Variants in ELAPOR2 observed in about 807,000 individuals in gnomAD.
ELAPOR2 encodes the protein endosome/lysosome-associated apoptosis and autophagy regulator family member 2.
ELAPOR2 carries 89 observed loss-of-function variants against 120.7 expected under a neutral mutation model. That is an observed-to-expected ratio of 0.74 (90% CI 0.62 to 0.88). ELAPOR2 has a LOEUF of 0.88. Among genes scored for constraint, ELAPOR2 ranks in the 40% least tolerant of loss-of-function variants. The probability of loss-of-function intolerance (pLI) is 0.00; values close to 1 mark genes in which losing one functional copy is unlikely to be tolerated. For missense variants in ELAPOR2, 1,134 were observed against 1,251.6 expected (o/e 0.91, Z 1.42); for synonymous variants, 444 against 444.9 (o/e 1.00, Z 0.03).
chr7:87,043,400 A>T (rs1212969408), intron 1 of ELAPOR2, among the ~76,000 whole-genome samples: 1 of 151,230 alleles, frequency 6.6e-6, no homozygotes, highest in African/African-American at 2.4e-5. Context: ...GCACATCAAA[A>T]AGCTTATCCA....
At chr7:86,941,330 A>T (rs1313325114) in intron 5 of ELAPOR2, 1 of 532,186 alleles carries the variant, frequency 1.9e-6, no homozygotes, top group Non-Finnish European at 3.9e-6. Context: ...CTCAAATAAT[A>T]ACAGATTCAC....
intron 1 of ELAPOR2, among the ~76,000 whole-genome samples, chr7:87,055,306 G>T (rs1252881361): frequency 6.6e-6 from 1 of 152,122 alleles, no homozygotes. Context: ...CTCACCCTCT[G>T]CATCCACTCA....
intron 1 of ELAPOR2, among the ~76,000 whole-genome samples, chr7:87,044,705 T>A (rs1225922067): frequency 2.6e-5 from 4 of 152,024 alleles, no homozygotes; most frequent in African/African-American, 9.7e-5. Flanking sequence ...GGGCAAGGAC[T>A]TCATGTCTAA....
intron 1 of ELAPOR2, among the ~76,000 whole-genome samples, chr7:87,013,139 C>T (rs1170826159): frequency 6.6e-6 from 1 of 151,984 alleles, no homozygotes; most frequent in Non-Finnish European, 1.5e-5. Context: ...AGAATATATG[C>T]AAAAATGGCC....
intron 1 of ELAPOR2, among the ~76,000 whole-genome samples, chr7:87,028,049 T>C (rs16888352): frequency 0.016 from 2,428 of 152,232 alleles, 75 homozygotes; most frequent in African/African-American, 0.055. Context: ...AATCTTGCAT[T>C]TAGAAGACAT....
At chr7:86,906,399 C>A (rs1233651409) in intron 18 of ELAPOR2, among the ~76,000 whole-genome samples, 2 of 152,042 alleles carry the variant, frequency 1.3e-5, no homozygotes, top group African/African-American at 4.8e-5. Flanking sequence ...ATAATTAAAT[C>A]ATAGGTCTAT....
intron 1 of ELAPOR2, among the ~76,000 whole-genome samples, chr7:87,052,063 C>G (rs1156300892): frequency 6.6e-6 from 1 of 152,200 alleles, no homozygotes. Context: ...AGACACCCTG[C>G]AGAAGCAGGA....
At chr7:87,041,891 G>T (rs1165216796) in intron 1 of ELAPOR2, among the ~76,000 whole-genome samples, 2 of 151,776 alleles carry the variant, frequency 1.3e-5, no homozygotes, top group African/African-American at 4.9e-5. Flanking sequence ...GACACACATA[G>T]GCTCAAAATA....
intron 1 of ELAPOR2, among the ~76,000 whole-genome samples, chr7:87,035,064 CA>C (rs973816631): frequency 1.0e-5 from 1 of 98,782 alleles, no homozygotes; most frequent in African/African-American, 3.8e-5. Context: ...CCAGCCTGGA[CA>C]AAAAAGAGTG....
At chr7:86,946,464 G>A (rs1054655816) in intron 3 of ELAPOR2, among the ~76,000 whole-genome samples, 6 of 152,148 alleles carry the variant, frequency 3.9e-5, no homozygotes, top group Non-Finnish European at 7.3e-5. Flanking sequence ...TCAGCTCACC[G>A]CAACCTCTGC....
chr7:86,931,657 A>G (rs937023130), intron 8 of ELAPOR2, among the ~76,000 whole-genome samples: 2 of 151,864 alleles, frequency 1.3e-5, no homozygotes, highest in African/African-American at 4.8e-5. Context: ...GCTAGGTACT[A>G]TACTAGGCTT....
At chr7:87,021,704 A>G (rs764495892) in intron 1 of ELAPOR2, among the ~76,000 whole-genome samples, 1 of 152,190 alleles carries the variant, frequency 6.6e-6, no homozygotes, top group African/African-American at 2.4e-5. Flanking sequence ...TCTCACCTGT[A>G]AGTTATGAGA....
chr7:86,970,108 C>T (rs933157514), intron 1 of ELAPOR2, among the ~76,000 whole-genome samples: 2 of 152,118 alleles, frequency 1.3e-5, no homozygotes, highest in African/African-American at 4.8e-5. Flanking sequence ...GATTAGCTCA[C>T]ATTAGTAAAC....
At chr7:87,020,094 A>G (rs979104609) in intron 1 of ELAPOR2, among the ~76,000 whole-genome samples, 2 of 152,190 alleles carry the variant, frequency 1.3e-5, no homozygotes, top group African/African-American at 2.4e-5. Context: ...AACAATGTGT[A>G]CCATCATCCC....
At chr7:86,987,740 C>T (rs1792803029) in intron 1 of ELAPOR2, among the ~76,000 whole-genome samples, 1 of 151,984 alleles carries the variant, frequency 6.6e-6, no homozygotes, top group Non-Finnish European at 1.5e-5. Flanking sequence ...CGCTTTTACA[C>T]TGTTGGTGGG....
chr7:86,938,761 C>T (rs1210657984), intron 7 of ELAPOR2, 47 bp downstream of exon 7: 1 of 1,598,030 alleles, frequency 6.3e-7, no homozygotes. Flanking sequence ...GTACACTTGA[C>T]CAACATACAT....
intron 1 of ELAPOR2, among the ~76,000 whole-genome samples, chr7:87,003,002 G>A (rs1291993886): frequency 2.6e-5 from 4 of 152,092 alleles, no homozygotes; most frequent in African/African-American, 9.7e-5. Flanking sequence ...GAGGAAGAAG[G>A]TAATGACTAC....
intron 1 of ELAPOR2, among the ~76,000 whole-genome samples, chr7:86,967,511 T>A (rs2116494454): frequency 6.6e-6 from 1 of 152,238 alleles, no homozygotes; most frequent in Non-Finnish European, 1.5e-5. Flanking sequence ...CTGAAAAGAT[T>A]CTGGCCCCTA....
At chr7:86,935,127 C>T (rs1417464881) in intron 8 of ELAPOR2, among the ~76,000 whole-genome samples, 1 of 152,014 alleles carries the variant, frequency 6.6e-6, no homozygotes, top group Non-Finnish European at 1.5e-5. Flanking sequence ...TAAATCCAAT[C>T]ACATTGCATC....
Sources: allele counts gnomAD v4.1 joint callset (sites outside exome capture counted in the v4.1 genomes callset), GRCh38; gene constraint gnomAD v4.1.1; transcripts MANE v1.5; gene names NCBI Gene and HGNC (gene_info 2026-07-23, HGNC 2026-07-21).